The following DNAH17 variants were observed in gnomAD, a reference collection of about 807,000 sequenced individuals.
The protein encoded by DNAH17 is axonemal beta dynein heavy chain 17.
DNAH17 carries 376 observed loss-of-function variants against 485.6 expected under a neutral mutation model. The ratio of observed to expected loss-of-function variants is 0.77; its 90% CI spans 0.71 to 0.84. DNAH17 has a LOEUF of 0.84. Among genes scored for constraint, DNAH17 ranks in the 40% least tolerant of loss-of-function variants. The probability of loss-of-function intolerance (pLI) is 0.00; values close to 1 mark genes in which losing one functional copy is unlikely to be tolerated. For missense variants in DNAH17, 6,370 were observed against 5,839.3 expected (o/e 1.09, Z -2.96); for synonymous variants, 3,031 against 2,405.9 (o/e 1.26, Z -7.60).
intron 1 of DNAH17, 101 bp from the exon 2 acceptor site, chr17:78,575,183 G>A: frequency 2.4e-6 from 2 of 843,878 alleles, no homozygotes; most frequent in East Asian, 2.7e-5. Flanking sequence ...ACCGGAGCAG[G>A]AACAAAACAG....
At chr17:78,477,604 C>T (rs1424929386) in intron 51 of DNAH17, among the ~76,000 whole-genome samples, 1 of 152,144 alleles carries the variant, frequency 6.6e-6, no homozygotes, top group Non-Finnish European at 1.5e-5. Context: ...GTCTCGAACT[C>T]CTGACCTCGT....
intron 19 of DNAH17, among the ~76,000 whole-genome samples, chr17:78,534,980 A>ACT: frequency 6.6e-6 from 1 of 151,852 alleles, no homozygotes; most frequent in East Asian, 1.9e-4. Flanking sequence ...TAGATGCCTG[A>ACT]CTCTCTCATT....
rs113538058 is a variant in DNAH17 at position 78,423,951 on chromosome 17, T to G, written c.13344A>C (p.Ala4448=). 45 of 1,614,052 alleles carry G rather than the reference T, an allele frequency of 2.8e-5. No homozygotes were observed. Among genetic ancestry groups the G allele is most frequent in the Admixed American group, 2.2e-4 (13 of 60,032 alleles). Reference sequence around the variant, plus strand: ...CCACGGCTGCCAGGATCCACTTCGCTGCCTTCTCTTTGGTCTTCAAGTTAA... The same window carrying G: ...CCACGGCTGCCAGGATCCACTTCGCGGCCTTCTCTTTGGTCTTCAAGTTAA... ...WTFNLKTKEK[A]AKWILAAVAL... Residue 4448 remains alanine (A), a synonymous_variant, in exon 81 of 81, where the codon GCA becomes GCC. Transcript: ENST00000389840.
intron 26 of DNAH17, among the ~76,000 whole-genome samples, chr17:78,512,746 A>T (rs1409145347): frequency 6.6e-6 from 1 of 152,130 alleles, no homozygotes. Context: ...GTTTGAGACC[A>T]GCTTGGCCAA....
chr17:78,468,218 A>C (rs2088576929), intron 55 of DNAH17, among the ~76,000 whole-genome samples: 1 of 152,194 alleles, frequency 6.6e-6, no homozygotes, highest in African/African-American at 2.4e-5. Context: ...CTATTTACAT[A>C]GCATTCTACA....
chr17:78,505,336 T>C lies in DNAH17; in HGVS notation c.4913A>G (p.Asp1638Gly), dbSNP rs1218171655. Residue 1638 changes from aspartate (D) to glycine (G), a missense_variant, in exon 31 of 81, where the codon GAC (aspartate) becomes GGC (glycine). Asp to Gly is a moderately conservative substitution (Grantham distance 94). Coordinates refer to ENST00000389840, the MANE Select transcript of DNAH17 (RefSeq NM_173628.4). ...TTCCTGATCAAAAACCATGTACTCGTCCTCCTTGCTGTACATTCCCAGGCC... is the reference window on the plus strand; with the variant it reads ...TTCCTGATCAAAAACCATGTACTCGCCCTCCTTGCTGTACATTCCCAGGCC... ...KVGLGMYSKE[D>G]EYMVFDQECD... is the part of the protein sequence containing the mutation. 1 of 1,613,802 alleles carries C rather than the reference T, an allele frequency of 6.2e-7. No individual in the cohort carries two copies. Among genetic ancestry groups the C allele is most frequent in the Non-Finnish European group, 8.5e-7 (1 of 1,179,876 alleles).
chr17:78,492,855 G>GT (rs570440887), intron 41 of DNAH17, 90 bp from the exon 42 acceptor site: 14,520 of 631,758 alleles, frequency 0.023, 4 homozygotes, highest in Non-Finnish European at 0.028. Context: ...GGCCTGGATG[G>GT]TTTTTTTTTT....
In DNAH17 at chr17:78,459,881, C is replaced by T; in HGVS notation, c.9556G>A (p.Ala3186Thr). Residue 3186 changes from alanine to threonine, a missense_variant, in exon 60 of 81, where the codon GCG becomes ACG. Ala to Thr is a moderately conservative substitution (Grantham distance 58, BLOSUM62 0). Transcript: ENST00000389840. Reference protein sequence around the residue: ...GKIPKDKSWKAAKIMMGKVDT... With the variant: ...GKIPKDKSWKTAKIMMGKVDT... ...ACCTTGCCCATCATGATCTTGGCCG[C>T]CTTCCAGCTCTTGTCCTTGGGGATC... The T allele has an allele frequency of 6.2e-7, 1 of 1,614,058 alleles. No individual in the cohort carries two copies. The highest frequency in any genetic ancestry group is 8.5e-7 in the Non-Finnish European group (1 of 1,179,902).
At chr17:78,477,192 G>A (rs1298121157) in intron 51 of DNAH17, among the ~76,000 whole-genome samples, 2 of 152,166 alleles carry the variant, frequency 1.3e-5, no homozygotes, top group African/African-American at 2.4e-5. Flanking sequence ...CAGCGATGAT[G>A]CAACAGAACC....
chr17:78,560,589 T>C lies in DNAH17; in HGVS notation c.2031+151A>G, dbSNP rs561500825. 7.7e-5 allele frequency: 60 copies of C among 778,420 alleles called. 1 individual carries two copies. In the South Asian group the frequency reaches 1.9e-3, roughly 24 times the overall value. The allele number at this position is 778,420 out of a possible 1,614,324, so 48.2% of individuals were successfully genotyped here. A position where few individuals can be genotyped will look rare whatever the true frequency, so the allele number is the denominator to read the frequency against. The stretch of plus-strand genomic sequence containing the variant: ...GTTGCTTCTGCTTTCCCTCATGTCT[T>C]AAATATACCCTGGACACACTTAAGA... On this transcript the variant is annotated intron_variant, in intron 13 of 80. Coordinates refer to ENST00000389840, the MANE Select transcript of DNAH17 (RefSeq NM_173628.4).
intron 48 of DNAH17, among the ~76,000 whole-genome samples, chr17:78,484,278 T>C (rs1450149803): frequency 6.6e-6 from 1 of 151,876 alleles, no homozygotes; most frequent in East Asian, 1.9e-4. Flanking sequence ...CCTCTGGCTC[T>C]CACATCCTTG....
Position 78,439,366 on chromosome 17 carries a change from C to T in DNAH17, c.11678-149G>A, listed in dbSNP as rs12150123. 531,804 of 876,716 alleles carry T rather than the reference C, an allele frequency of 0.61. 166,800 individuals carry two copies. Among genetic ancestry groups the T allele is most frequent in the East Asian group, 0.83 (30,352 of 36,756 alleles). 54.3% of individuals were successfully genotyped at this position (876,716 alleles called of 1,614,324 possible). A position where few individuals can be genotyped will look rare whatever the true frequency, so the allele number is the denominator to read the frequency against. Reference sequence around the variant, plus strand: ...GACATAAAACTTGCTGTTTTAAAACCCATCTTAAAGCGTACAGTGCACCGA... The same window carrying T: ...GACATAAAACTTGCTGTTTTAAAACTCATCTTAAAGCGTACAGTGCACCGA... On this transcript the variant is annotated intron_variant, in intron 72 of 80. Coordinates refer to ENST00000389840, the MANE Select transcript of DNAH17 (RefSeq NM_173628.4).
At chr17:78,503,168 CCTTTTT>C in intron 31 of DNAH17, 157 bp from the exon 32 acceptor site, 1 of 325,600 alleles carries the variant, frequency 3.1e-6, no homozygotes, top group Non-Finnish European at 5.1e-6. Flanking sequence ...CAGTGACACA[CCTTTTT>C]TTTTTTTTTT....
At chr17:78,534,761 T>C (rs905281863) in intron 19 of DNAH17, among the ~76,000 whole-genome samples, 7 of 152,058 alleles carry the variant, frequency 4.6e-5, no homozygotes, top group South Asian at 2.1e-4. Context: ...CTGCCTGGGG[T>C]CTCTGCCCCT....
Position 78,526,950 on chromosome 17 carries a change from AC to A in DNAH17, c.3553del (p.Val1185Ter). On this transcript the variant is annotated frameshift_variant, in exon 23 of 81. Coordinates refer to ENST00000389840, the MANE Select transcript of DNAH17 (RefSeq NM_173628.4). LOFTEE classifies it high-confidence loss of function. Reference protein sequence around the residue: ...WANTKKLAIQVKLTVAPLQAN... With the variant: ...WANTKKLAIQXKLTVAPLQAN... The stretch of plus-strand genomic sequence containing the variant: ...CTGGAGTGGTGCCACGGTCAGCTTC[AC>A]CTGAATGGCCAGTTTCTTGGTATTT... 1 of 1,588,884 alleles carries A rather than the reference AC, an allele frequency of 6.3e-7. No homozygotes were observed. The highest frequency in any genetic ancestry group is 1.8e-5 in the Admixed American group (1 of 56,014).
intron 79 of DNAH17, among the ~76,000 whole-genome samples, chr17:78,426,086 G>C (rs2086444938): frequency 6.6e-6 from 1 of 152,166 alleles, no homozygotes; most frequent in South Asian, 2.1e-4. Flanking sequence ...TTTTAAACAA[G>C]GGAACAGGTA....
chr17:78,560,663 C>T (rs944398654), intron 13 of DNAH17, 77 bp downstream of exon 13: 127 of 1,416,892 alleles, frequency 9.0e-5, no homozygotes, highest in Non-Finnish European at 1.1e-4. Context: ...TCCATAAATC[C>T]GTGCTGAGGG....
At position 78,424,136 on chromosome 17, in the gene DNAH17, G is replaced by C. The variant is rs1214635682; in HGVS notation, c.13159C>G (p.Gln4387Glu). 9.3e-6 allele frequency: 15 copies of C among 1,612,088 alleles called. No homozygotes were observed. The highest frequency in any genetic ancestry group is 1.2e-5 in the Non-Finnish European group (14 of 1,179,216). The change falls in exon 81 of 81, where the codon CAG (glutamine) becomes GAG (glutamate). Residue 4387 changes from glutamine (Q) to glutamate (E), a missense_variant. By Grantham distance (29) the Gln-to-Glu change is conservative (BLOSUM62 2). Transcript: ENST00000389840. Reference sequence around the variant, plus strand: ...CGCGCTTCAGCGATGACTCCAGTCTGGGTGTCCCAGCGAGCCCCTGCAGGG... The same window carrying C: ...CGCGCTTCAGCGATGACTCCAGTCTCGGTGTCCCAGCGAGCCCCTGCAGGG... ...LFMEGARWDT[Q>E]TGVIAEARLK...
chr17:78,483,400 C>CGGGCAGATCACCTGAGGT (rs1445315370), intron 48 of DNAH17, among the ~76,000 whole-genome samples: 4 of 152,162 alleles, frequency 2.6e-5, no homozygotes, highest in Admixed American at 2.6e-4. Context: ...GAGCCCGAGG[C>CGGGCAGATCACCTGAGGT]GGGCAGATCA....
Sources: allele counts gnomAD v4.1 joint callset (sites outside exome capture counted in the v4.1 genomes callset), GRCh38; gene constraint gnomAD v4.1.1; transcripts MANE v1.5; gene names NCBI Gene and HGNC (gene_info 2026-07-23, HGNC 2026-07-21).